TPRG1: variants seen among roughly 807,000 people sequenced by gnomAD.
The protein encoded by TPRG1 is tumor protein p63-regulated gene 1 protein.
In TPRG1, 29 loss-of-function variants were observed where a neutral mutation model predicts 29.3. The ratio of observed to expected loss-of-function variants is 0.99; its 90% CI spans 0.74 to 1.35. The LOEUF (loss-of-function observed/expected upper bound fraction) is 1.35. Among genes scored for constraint, TPRG1 ranks in the 40% most tolerant of loss-of-function variants. The pLI is 0.00. For synonymous variants in TPRG1, 130 were observed against 116.8 expected (o/e 1.11, Z -0.73); for missense variants, 327 against 335.0 (o/e 0.98, Z 0.19).
intron 4 of TPRG1, among the ~76,000 whole-genome samples, chr3:189,059,955 G>A (rs1042521128): frequency 6.6e-6 from 1 of 152,188 alleles, no homozygotes; most frequent in African/African-American, 2.4e-5. Context: ...ACTCTTGGCT[G>A]AGTGTGGTGG....
chr3:189,119,708 G>C (rs768337792), intron 1 of TPRG1, among the ~76,000 whole-genome samples: 1 of 152,136 alleles, frequency 6.6e-6, no homozygotes, highest in East Asian at 1.9e-4. Flanking sequence ...CTCTCCTGCC[G>C]CCATGTGAAG....
At chr3:189,111,045 G>C (rs1431168871) in intron 1 of TPRG1, among the ~76,000 whole-genome samples, 2 of 151,692 alleles carry the variant, frequency 1.3e-5, no homozygotes, top group African/African-American at 4.8e-5. Flanking sequence ...AAATATTCCA[G>C]CTATTCTTTT....
intron 1 of TPRG1, among the ~76,000 whole-genome samples, chr3:189,101,557 C>T (rs1719205183): frequency 1.3e-5 from 2 of 152,072 alleles, no homozygotes; most frequent in Admixed American, 1.3e-4. Flanking sequence ...TGCAATTCTC[C>T]TTCTTTCCTT....
At chr3:189,149,100 C>T (rs150513009) in intron 4 of TPRG1, among the ~76,000 whole-genome samples, 20 of 152,160 alleles carry the variant, frequency 1.3e-4, no homozygotes, top group Non-Finnish European at 5.9e-5. Context: ...CAGCGCTGTT[C>T]TCAAGATTCC....
intron 1 of TPRG1, among the ~76,000 whole-genome samples, chr3:189,185,389 A>G (rs1325930296): frequency 1.3e-5 from 2 of 151,776 alleles, no homozygotes; most frequent in Non-Finnish European, 2.9e-5. Context: ...CCAGCTGGGT[A>G]TATTTTTGAA....
At position 189,059,465 on chromosome 3, in the gene TPRG1, G is replaced by A. The variant is rs376485671; in HGVS notation, c.-463+35519G>A. On this transcript the variant is annotated intron_variant, in intron 4 of 10. Transcript: ENST00000433971. ...AAATTAGCTGGGTGTGGTGGCATGCGCCTGTAGTCCCAGCTACTTGAGAGG... is the reference window on the plus strand; with the variant it reads ...AAATTAGCTGGGTGTGGTGGCATGCACCTGTAGTCCCAGCTACTTGAGAGG... 5.0e-3 allele frequency among the ~76,000 whole-genome samples: 763 copies of A among 152,042 alleles called. 12 individuals carry two copies. Among genetic ancestry groups the A allele is most frequent in the African/African-American group, 0.018 (734 of 41,454 alleles).
At chr3:189,037,707 A>G (rs914598491) in intron 4 of TPRG1, among the ~76,000 whole-genome samples, 6 of 151,906 alleles carry the variant, frequency 3.9e-5, no homozygotes, top group Non-Finnish European at 8.8e-5. Flanking sequence ...TATGGAAACT[A>G]ACAGTCTTCT....
intron 1 of TPRG1, among the ~76,000 whole-genome samples, chr3:189,112,342 G>C (rs1409642007): frequency 1.3e-5 from 2 of 152,104 alleles, no homozygotes; most frequent in Non-Finnish European, 2.9e-5. Flanking sequence ...TCACTCTGAT[G>C]GTAGTTTCTT....
At chr3:189,198,657 C>T (rs1291143630) in intron 1 of TPRG1, among the ~76,000 whole-genome samples, 5 of 152,188 alleles carry the variant, frequency 3.3e-5, no homozygotes, top group East Asian at 1.9e-4. Context: ...AACTTAATGG[C>T]GGCTCTATAT....
intron 4 of TPRG1, among the ~76,000 whole-genome samples, chr3:189,060,803 A>T (rs1044526273): frequency 6.6e-6 from 1 of 152,192 alleles, no homozygotes; most frequent in Non-Finnish European, 1.5e-5. Flanking sequence ...GATAACACAA[A>T]CATATGGAAA....
At chr3:189,187,911 A>C (rs983504632) in intron 1 of TPRG1, among the ~76,000 whole-genome samples, 2 of 152,222 alleles carry the variant, frequency 1.3e-5, no homozygotes, top group African/African-American at 4.8e-5. Flanking sequence ...TTTGAGTTGT[A>C]GTGAATAATC....
chr3:189,031,084 C>T (rs1162031697), intron 4 of TPRG1, among the ~76,000 whole-genome samples: 3 of 152,092 alleles, frequency 2.0e-5, no homozygotes, highest in African/African-American at 4.8e-5. Flanking sequence ...TGTTAGAGAC[C>T]AGCCTGGCCA....
At chr3:189,215,257 T>C (rs1389338779) in intron 2 of TPRG1, 35 bp from the exon 3 acceptor site, 2 of 1,570,630 alleles carry the variant, frequency 1.3e-6, no homozygotes, top group Non-Finnish European at 1.7e-6. Context: ...GGGCTAAGTC[T>C]GCTCTAAACT....
At chr3:189,310,244 CT>C in intron 4 of TPRG1, 141 bp from the exon 5 acceptor site, 4 of 612,682 alleles carry the variant, frequency 6.5e-6, no homozygotes, top group Non-Finnish European at 1.0e-5. Context: ...CCTAATTCAC[CT>C]TTTTCTTCTC....
intron 1 of TPRG1, among the ~76,000 whole-genome samples, chr3:189,180,261 A>G (rs1309441996): frequency 6.6e-6 from 1 of 151,806 alleles, no homozygotes; most frequent in Non-Finnish European, 1.5e-5. Context: ...TCGCTCCCAA[A>G]TCTCATGTTC....
At chr3:189,221,413 C>T (rs1008977793) in intron 3 of TPRG1, among the ~76,000 whole-genome samples, 4 of 152,178 alleles carry the variant, frequency 2.6e-5, no homozygotes, top group East Asian at 3.9e-4. Flanking sequence ...AGATTCCACA[C>T]GTGCCTCAGT....
intron 5 of TPRG1, among the ~76,000 whole-genome samples, chr3:189,156,354 GT>G (rs35633655): frequency 0.32 from 41,217 of 127,530 alleles, 6,114 homozygotes; most frequent in Admixed American, 0.42. Context: ...AGAACTATAA[GT>G]AAAAAAAAAA....
chr3:189,157,925 T>C (rs1221740663), intron 5 of TPRG1, among the ~76,000 whole-genome samples: 6 of 152,204 alleles, frequency 3.9e-5, no homozygotes, highest in African/African-American at 1.4e-4. Flanking sequence ...ATACAATGTA[T>C]GTTGTAGAGA....
At chr3:189,224,122 C>T (rs1238201600) in intron 3 of TPRG1, among the ~76,000 whole-genome samples, 1 of 152,130 alleles carries the variant, frequency 6.6e-6, no homozygotes, top group African/African-American at 2.4e-5. Context: ...TGTATTGTTA[C>T]ATTAGGTAAA....
Sources: gnomAD v4.1 joint callset for allele counts (sites outside exome capture counted in the v4.1 genomes callset) on GRCh38, gnomAD v4.1.1 for gene constraint, MANE v1.5 for transcripts, NCBI Gene and HGNC (gene_info 2026-07-23, HGNC 2026-07-21) for gene names.